Variants in AGAP1 observed in about 807,000 individuals in gnomAD.
AGAP1 encodes the protein arf-GAP with GTPase, ANK repeat and PH domain-containing protein 1.
In AGAP1, 29 loss-of-function variants were observed where a neutral mutation model predicts 105.3. That is an observed-to-expected ratio of 0.28 (90% CI 0.21 to 0.38). AGAP1 has a LOEUF of 0.38. AGAP1 is among the 10% of genes least tolerant of loss of function. The probability of loss-of-function intolerance (pLI) is 1.00; values close to 1 mark genes in which losing one functional copy is unlikely to be tolerated. For synonymous variants in AGAP1, 509 were observed against 485.9 expected, an observed-to-expected ratio of 1.05 and a Z score of -0.63; for missense variants, 998 against 1,165.1, an observed-to-expected ratio of 0.86 and a Z score of 2.09.
chr2:235,963,971 G>A lies in AGAP1; in HGVS notation c.1484-4491G>A, dbSNP rs6733233. Among the ~76,000 whole-genome samples the A allele has an allele frequency of 0.13, 19,692 of 152,146 alleles. 3,334 individuals carry two copies. Among genetic ancestry groups the A allele is most frequent in the African/African-American group, 0.39 (16,332 of 41,440 alleles). On this transcript the variant is annotated intron_variant, in intron 12 of 17. Coordinates refer to ENST00000304032, the MANE Select transcript of AGAP1 (RefSeq NM_001037131.3). The surrounding 1 kb of genome is among the most constrained non-coding windows in gnomAD (Gnocchi z 5.1). ...CTCATAAAAACAACCGCTGGATAAC[G>A]GAAGAGAGTTTATGATATAATGCAC...
At position 235,919,322 on chromosome 2, in the gene AGAP1, C is replaced by T. The variant is rs1222358221; in HGVS notation, c.1324+10416C>T. On this transcript the variant is annotated intron_variant, in intron 11 of 17. Coordinates refer to ENST00000304032, the MANE Select transcript of AGAP1 (RefSeq NM_001037131.3). The surrounding 1 kb of genome is among the most constrained non-coding windows in gnomAD (Gnocchi z 4.1). ...GCAGAGGAGAGTTTTTCGAAGTAAT[C>T]GTGACATTTTTCCATCTCGAAACCT... Among the ~76,000 whole-genome samples the T allele has an allele frequency of 2.0e-5, 3 of 152,164 alleles. No homozygotes were observed. The highest frequency in any genetic ancestry group is 2.9e-5 in the Non-Finnish European group (2 of 68,044).
At chr2:235,944,563 T>G (rs2053405577) in intron 12 of AGAP1, among the ~76,000 whole-genome samples, 1 of 152,248 alleles carries the variant, frequency 6.6e-6, no homozygotes, top group African/African-American at 2.4e-5. Flanking sequence ...AACCAGCTGT[T>G]GACCCATCCT....
At chr2:235,680,391 G>C (rs1224021936) in intron 1 of AGAP1, among the ~76,000 whole-genome samples, 1 of 152,194 alleles carries the variant, frequency 6.6e-6, no homozygotes, top group African/African-American at 2.4e-5. Flanking sequence ...AGAGGGGTCA[G>C]GGGCCCTGCA....
chr2:235,581,820 A>G (rs1328860321), intron 1 of AGAP1, among the ~76,000 whole-genome samples: 1 of 152,174 alleles, frequency 6.6e-6, no homozygotes, highest in Admixed American at 6.5e-5. Flanking sequence ...AAAAAGAAAG[A>G]AAGAAAATAA....
chr2:235,848,718 C>T (rs968208540), intron 9 of AGAP1, among the ~76,000 whole-genome samples: 10 of 152,196 alleles, frequency 6.6e-5, no homozygotes, highest in African/African-American at 2.2e-4. Flanking sequence ...TTTCCTCGTC[C>T]TTTTAACAGA....
intron 16 of AGAP1, among the ~76,000 whole-genome samples, chr2:236,118,681 G>A (rs554232516): frequency 3.0e-4 from 46 of 152,174 alleles, no homozygotes; most frequent in African/African-American, 1.1e-3. Context: ...GAGCCACTGC[G>A]CCCAGCCTCT....
In AGAP1 at chr2:235,968,456, T is replaced by C. The variant is rs1575920541; in HGVS notation, c.1484-6T>C. On this transcript the variant is annotated splice_polypyrimidine_tract_variant and splice_region_variant and intron_variant, in intron 12 of 17. Transcript: ENST00000304032. The stretch of plus-strand genomic sequence containing the variant: ...TTTTTTTTTGCCTTTTCCGGTCCAA[T>C]GGCAGACACAGGGCTGGGTGACTCC... The C allele has an allele frequency of 2.6e-6, 4 of 1,551,702 alleles. No individual in the cohort carries two copies. The highest frequency in any genetic ancestry group is 3.5e-6 in the Non-Finnish European group (4 of 1,156,786).
At chr2:235,570,081 C>T (rs574382732) in intron 1 of AGAP1, among the ~76,000 whole-genome samples, 50 of 152,254 alleles carry the variant, frequency 3.3e-4, no homozygotes, top group African/African-American at 1.0e-3. Context: ...TTTTTGAAGA[C>T]GGAATCAAAG....
At chr2:235,668,240 T>C (rs1177969039) in intron 1 of AGAP1, among the ~76,000 whole-genome samples, 1 of 152,226 alleles carries the variant, frequency 6.6e-6, no homozygotes, top group African/African-American at 2.4e-5. Context: ...TCATTAAATC[T>C]GAATATTAAA....
At chr2:235,500,950 C>T (rs1300532984) in intron 1 of AGAP1, among the ~76,000 whole-genome samples, 1 of 152,152 alleles carries the variant, frequency 6.6e-6, no homozygotes, top group Admixed American at 6.5e-5. Context: ...TCGCTTAACA[C>T]CCTCCCCCAA....
intron 13 of AGAP1, among the ~76,000 whole-genome samples, chr2:236,032,744 T>C (rs2057263369): frequency 6.6e-6 from 1 of 151,896 alleles, no homozygotes; most frequent in Non-Finnish European, 1.5e-5. Flanking sequence ...AAGGGGGACA[T>C]GAAGTTTGCA....
intron 10 of AGAP1, among the ~76,000 whole-genome samples, chr2:235,897,706 A>G (rs1397144429): frequency 6.6e-6 from 1 of 152,232 alleles, no homozygotes; most frequent in African/African-American, 2.4e-5. Context: ...CCTCAGCAAC[A>G]GTAAGTCACA....
chr2:236,034,991 G>A (rs1284994791), intron 13 of AGAP1, among the ~76,000 whole-genome samples: 1 of 152,204 alleles, frequency 6.6e-6, no homozygotes, highest in Non-Finnish European at 1.5e-5. Context: ...CAGCCAGAAA[G>A]GAGTGGGGAA....
rs1016053562 is a variant in AGAP1 at position 235,737,531 on chromosome 2, A to G, written c.311-3432A>G. Among the ~76,000 whole-genome samples the G allele has an allele frequency of 2.0e-5, 3 of 152,112 alleles. No individual in the cohort carries two copies. The highest frequency in any genetic ancestry group is 4.4e-5 in the Non-Finnish European group (3 of 67,968). On this transcript the variant is annotated intron_variant, in intron 3 of 17. Coordinates refer to ENST00000304032, the MANE Select transcript of AGAP1 (RefSeq NM_001037131.3). The surrounding 1 kb of genome is among the most constrained non-coding windows in gnomAD (Gnocchi z 4.5). ...AAATGAGAAGGCTCAGTGCCCTCCT[A>G]GGGAACCTTTCGTAACTTGAATATT... is the stretch of plus-strand genomic sequence containing the variant.
At chr2:235,650,020 T>C (rs1437959514) in intron 1 of AGAP1, among the ~76,000 whole-genome samples, 2 of 152,194 alleles carry the variant, frequency 1.3e-5, no homozygotes, top group Non-Finnish European at 2.9e-5. Context: ...CAGAAAAATA[T>C]CTTTATGATT....
intron 1 of AGAP1, among the ~76,000 whole-genome samples, chr2:235,519,106 T>G (rs1303714571): frequency 6.6e-6 from 1 of 152,194 alleles, no homozygotes; most frequent in Non-Finnish European, 1.5e-5. Context: ...AGGGTCTCAC[T>G]CTGTTGCCCA....
intron 16 of AGAP1, chr2:236,072,365 C>T (rs1205585535): frequency 6.6e-6 from 1 of 151,938 alleles, no homozygotes. Context: ...CGCTTGAACC[C>T]GGGAGGCAGA....
At chr2:235,603,846 G>A (rs111302198) in intron 1 of AGAP1, among the ~76,000 whole-genome samples, 28 of 152,188 alleles carry the variant, frequency 1.8e-4, no homozygotes, top group Middle Eastern at 3.4e-3. Flanking sequence ...ATTCTTGGTC[G>A]CTAGTTAGGT....
In AGAP1 at chr2:235,601,048, G is replaced by A. The variant is rs1230280008; in HGVS notation, c.163+106199G>A. 2.0e-5 allele frequency among the ~76,000 whole-genome samples: 3 copies of A among 152,126 alleles called. No individual in the cohort carries two copies. The highest frequency in any genetic ancestry group is 6.5e-5 in the Admixed American group (1 of 15,270). ...TCAGTATCCAGCCAAGCTGGGAAAC[G>A]CCACTGCCACAGTACCTGCAGGGTC... On this transcript the variant is annotated intron_variant, in intron 1 of 17. Coordinates refer to ENST00000304032, the MANE Select transcript of AGAP1 (RefSeq NM_001037131.3). The surrounding 1 kb of genome is among the most constrained non-coding windows in gnomAD (Gnocchi z 4.4).
Sources: allele counts gnomAD v4.1 joint callset (sites outside exome capture counted in the v4.1 genomes callset), GRCh38; gene constraint gnomAD v4.1.1; non-coding constraint Gnocchi (gnomAD v3.1); transcripts MANE v1.5; gene names NCBI Gene and HGNC (gene_info 2026-07-23, HGNC 2026-07-21).